Variants in NCKAP1L observed in about 807,000 individuals in gnomAD.
The protein encoded by NCKAP1L is nck-associated protein 1-like.
Under a neutral mutation model 139.2 loss-of-function variants are expected in NCKAP1L, and 53 were observed. The ratio of observed to expected loss-of-function variants is 0.38; its 90% CI spans 0.31 to 0.48. The LOEUF is 0.48. Ranked by LOEUF, NCKAP1L falls within the 20% of genes least tolerant of loss-of-function variation. The pLI is 0.98. For synonymous variants in NCKAP1L, 468 were observed against 499.7 expected (o/e 0.94, Z 0.85); for missense variants, 1,151 against 1,381.9 (o/e 0.83, Z 2.65).
At chr12:54,515,485 C>T (rs766641740) in intron 9 of NCKAP1L, among the ~76,000 whole-genome samples, 2 of 152,114 alleles carry the variant, frequency 1.3e-5, no homozygotes, top group African/African-American at 2.4e-5. Context: ...AATGAAAAGG[C>T]CTTCTAATTT....
At chr12:54,508,847 C>T (rs963005273) in intron 5 of NCKAP1L, among the ~76,000 whole-genome samples, 6 of 152,194 alleles carry the variant, frequency 3.9e-5, no homozygotes, top group Non-Finnish European at 5.9e-5. Context: ...GCAGCACTGA[C>T]TGTGGGACTT....
rs1278212438 is a variant in NCKAP1L at position 54,542,842 on chromosome 12, A to ATT, written c.*158_*159insTT. ...TGATGAGCAGATCTGTGGAAGAACA[A>ATT]TCCAGGGCTGAGAAATCGTAGAGCA... On this transcript the variant is annotated 3_prime_UTR_variant, in exon 31 of 31. Transcript: ENST00000293373. The ATT allele has an allele frequency of 1.7e-6, 1 of 573,436 alleles. No homozygotes were observed. The highest frequency in any genetic ancestry group is 1.9e-5 in the African/African-American group (1 of 53,672). The allele number at this position is 573,436 out of a possible 1,614,324, so 35.5% of individuals were successfully genotyped here.
intron 10 of NCKAP1L, among the ~76,000 whole-genome samples, chr12:54,516,661 G>T (rs767203883): frequency 1.7e-4 from 26 of 152,090 alleles, no homozygotes; most frequent in Non-Finnish European, 1.0e-4. Context: ...GGCCATGCTG[G>T]TCTTGAACTC....
intron 9 of NCKAP1L, among the ~76,000 whole-genome samples, chr12:54,512,876 C>T (rs947054023): frequency 6.6e-6 from 1 of 151,804 alleles, no homozygotes; most frequent in Non-Finnish European, 1.5e-5. Context: ...GAAAGATATT[C>T]TAGGCAGAGA....
At chr12:54,536,815 C>T (rs1317592994) in intron 28 of NCKAP1L, 129 bp from the exon 29 acceptor site, 8 of 610,506 alleles carry the variant, frequency 1.3e-5, no homozygotes, top group African/African-American at 9.2e-5. Context: ...AATGCCTTCT[C>T]ATCCTTTTGG....
chr12:54,541,309 C>T (rs1957156546), intron 30 of NCKAP1L, among the ~76,000 whole-genome samples: 1 of 152,252 alleles, frequency 6.6e-6, no homozygotes, highest in Non-Finnish European at 1.5e-5. Flanking sequence ...TTGGCCATCA[C>T]TCTAGGGCTG....
At chr12:54,534,752 G>A (rs551998701) in intron 26 of NCKAP1L, among the ~76,000 whole-genome samples, 36 of 152,302 alleles carry the variant, frequency 2.4e-4, no homozygotes, top group African/African-American at 4.8e-4. Context: ...AAATTTGTAC[G>A]ATGGAGTGTC....
intron 13 of NCKAP1L, among the ~76,000 whole-genome samples, 184 bp downstream of exon 13, chr12:54,518,122 C>T (rs997068390): frequency 1.3e-5 from 2 of 152,046 alleles, no homozygotes; most frequent in Non-Finnish European, 1.5e-5. Flanking sequence ...GGGCAGATCA[C>T]GAGGTCAGGA....
chr12:54,528,472 A>G (rs1304182431), intron 22 of NCKAP1L, 95 bp downstream of exon 22: 7 of 1,477,312 alleles, frequency 4.7e-6, no homozygotes. Context: ...GGTTGGTGCA[A>G]AAGTAATTTT....
At position 54,512,964 on chromosome 12, in the gene NCKAP1L, G is replaced by A. The variant is rs73109121; in HGVS notation, c.941+859G>A. 5.0e-3 allele frequency among the ~76,000 whole-genome samples: 768 copies of A among 152,276 alleles called. 13 individuals are homozygous for A. The highest frequency in any genetic ancestry group is 0.027 in the Admixed American group (408 of 15,292). ...ATGTAGTTCAGTGCATGGGCATCTG[G>A]GTTATAAAAATGAAGATGTTGAGGA... On this transcript the variant is annotated intron_variant, in intron 9 of 30. Transcript: ENST00000293373.
intron 1 of NCKAP1L, chr12:54,498,786 G>C: frequency 1.0e-6 from 1 of 985,212 alleles, no homozygotes; most frequent in Non-Finnish European, 1.2e-6. Flanking sequence ...TCCTCTTTGT[G>C]CTGGGGCCAA....
At chr12:54,520,306 C>A (rs1188305167) in intron 16 of NCKAP1L, among the ~76,000 whole-genome samples, 1 of 152,068 alleles carries the variant, frequency 6.6e-6, no homozygotes, top group Non-Finnish European at 1.5e-5. Context: ...TTTTCTGGAG[C>A]CTGAGTGTTA....
chr12:54,503,321 AAT>A lies in NCKAP1L; in HGVS notation c.306+2699_306+2700del, dbSNP rs1430006603. On this transcript the variant is annotated intron_variant, in intron 3 of 30. Transcript: ENST00000293373. ...TTTATAAACATAAAAAATAAAAATT[AAT>A]ATGATGTTTTTGAAAGAAAAATTGA... 5.3e-5 allele frequency among the ~76,000 whole-genome samples: 8 copies of A among 152,144 alleles called. 1 individual carries two copies. In the South Asian group the frequency reaches 1.7e-3, roughly 31 times the overall value.
intron 3 of NCKAP1L, among the ~76,000 whole-genome samples, chr12:54,505,909 A>G (rs1253165580): frequency 1.3e-5 from 2 of 152,092 alleles, no homozygotes; most frequent in Non-Finnish European, 2.9e-5. Context: ...TGATCTGCCC[A>G]CCTTGGCCTC....
At chr12:54,536,647 AC>A (rs1289265709) in intron 28 of NCKAP1L, 1 of 336,840 alleles carries the variant, frequency 3.0e-6, no homozygotes, top group Admixed American at 4.6e-5. Context: ...ACAGAGCAAG[AC>A]CCTGTCTTTA....
intron 22 of NCKAP1L, 97 bp from the exon 23 acceptor site, chr12:54,531,163 G>A: frequency 2.0e-6 from 2 of 1,008,858 alleles, no homozygotes; most frequent in South Asian, 1.4e-5. Context: ...TTTTCTTGCT[G>A]GAAAACATTT....
Position 54,521,214 on chromosome 12 carries a change from T to C in NCKAP1L, c.1854T>C (p.Ala618=), listed in dbSNP as rs1179608938. Residue 618 remains alanine, a synonymous_variant, in exon 18 of 31, where the codon GCT becomes GCC. Coordinates refer to ENST00000293373, the MANE Select transcript of NCKAP1L (RefSeq NM_005337.5). ...QTSNCVLEIC[A]EQRNLSEQLL... is the part of the protein sequence containing the mutation. The stretch of plus-strand genomic sequence containing the variant: ...GCAATTGCGTCCTGGAGATCTGTGC[T>C]GAGCAGCGAAACCTGAGCGAGCAGG... 2.9e-5 allele frequency: 46 copies of C among 1,614,028 alleles called. No homozygotes were observed. Among genetic ancestry groups the C allele is most frequent in the Non-Finnish European group, 3.8e-5 (45 of 1,180,020 alleles).
intron 3 of NCKAP1L, among the ~76,000 whole-genome samples, chr12:54,505,124 A>G (rs1956829969): frequency 3.9e-5 from 6 of 152,102 alleles, no homozygotes; most frequent in Admixed American, 3.9e-4. Context: ...CAGTTTCTTT[A>G]TTTTTCTGCA....
chr12:54,538,953 A>T lies in NCKAP1L; in HGVS notation c.3253A>T (p.Ile1085Phe). 6.2e-7 allele frequency: 1 copy of T among 1,613,998 alleles called. No homozygotes were observed. The highest frequency in any genetic ancestry group is 1.3e-5 in the African/African-American group (1 of 75,026). Residue 1085 changes from isoleucine (I) to phenylalanine (F), a missense_variant, in exon 30 of 31, where the codon ATT becomes TTT. Transcript: ENST00000293373. ...GCTTAAAACCAGAAATCGAGAATCCATTTCTCTGCTCATGCGCTTGGTAAG... is the reference window on the plus strand; with the variant it reads ...GCTTAAAACCAGAAATCGAGAATCCTTTTCTCTGCTCATGCGCTTGGTAAG... ...DKLKTRNRESISLLMRLVVEE... is the reference protein window; with the variant it reads ...DKLKTRNRESFSLLMRLVVEE...
Sources: gnomAD v4.1 joint callset for allele counts (sites outside exome capture counted in the v4.1 genomes callset) on GRCh38, gnomAD v4.1.1 for gene constraint, MANE v1.5 for transcripts, NCBI Gene and HGNC (gene_info 2026-07-23, HGNC 2026-07-21) for gene names.